Variants in LRRC7 observed in about 807,000 individuals in gnomAD.
The protein encoded by LRRC7 is leucine rich repeat containing 7, also known as leucine-rich repeat-containing protein 7.
LRRC7 carries 23 observed loss-of-function variants against 175.7 expected under a neutral mutation model. That is an observed-to-expected ratio of 0.13 (90% CI 0.09 to 0.19). The LOEUF is 0.19. Ranked by LOEUF, LRRC7 falls within the 10% of genes least tolerant of loss-of-function variation. The pLI is 1.00. For missense variants in LRRC7, 1,354 were observed against 1,904.7 expected (o/e 0.71, Z 5.38); for synonymous variants, 685 against 680.9 (o/e 1.01, Z -0.09).
At chr1:69,694,791 C>G (rs1369848934) in intron 2 of LRRC7, among the ~76,000 whole-genome samples, 2 of 152,064 alleles carry the variant, frequency 1.3e-5, no homozygotes, top group Non-Finnish European at 2.9e-5. Flanking sequence ...CCAGTTCACC[C>G]TTTGACTTCC....
intron 7 of LRRC7, among the ~76,000 whole-genome samples, chr1:69,843,316 T>C (rs1308637734): frequency 6.6e-6 from 1 of 152,120 alleles, no homozygotes; most frequent in Non-Finnish European, 1.5e-5. Context: ...ATTTCTAGTA[T>C]GTTCATTGAA....
chr1:69,892,862 C>A (rs1376674294), intron 7 of LRRC7, among the ~76,000 whole-genome samples: 2 of 152,154 alleles, frequency 1.3e-5, no homozygotes, highest in Non-Finnish European at 2.9e-5. Flanking sequence ...CATCTTGTAT[C>A]AACTTGACTG....
intron 2 of LRRC7, among the ~76,000 whole-genome samples, chr1:69,752,222 C>G (rs146149175): frequency 1.3e-5 from 2 of 152,036 alleles, no homozygotes; most frequent in Non-Finnish European, 2.9e-5. Context: ...AGACATGGAA[C>G]GAGTCTGGCA....
At position 69,832,714 on chromosome 1, in the gene LRRC7, T is replaced by C. The variant is rs536832960; in HGVS notation, c.501-2066T>C. Reference sequence around the variant, plus strand: ...ATTCCCTATGACCAATGATGTCACTTCTAAGGATATAACTTAAGTAATATT... The same window carrying C: ...ATTCCCTATGACCAATGATGTCACTCCTAAGGATATAACTTAAGTAATATT... On this transcript the variant is annotated intron_variant, in intron 5 of 26. Coordinates refer to ENST00000651989, the MANE Select transcript of LRRC7 (RefSeq NM_001370785.2). 4.6e-5 allele frequency among the ~76,000 whole-genome samples: 7 copies of C among 152,268 alleles called. No individual in the cohort carries two copies. In the East Asian group the frequency reaches 1.4e-3, roughly 29 times the overall value.
At chr1:69,869,906 A>G (rs1265574454) in intron 7 of LRRC7, among the ~76,000 whole-genome samples, 1 of 152,144 alleles carries the variant, frequency 6.6e-6, no homozygotes, top group Non-Finnish European at 1.5e-5. Context: ...TGTGTATGAT[A>G]TTTCATTTTG....
At chr1:69,948,760 A>G (rs1380904040) in intron 8 of LRRC7, among the ~76,000 whole-genome samples, 1 of 152,138 alleles carries the variant, frequency 6.6e-6, no homozygotes, top group African/African-American at 2.4e-5. Flanking sequence ...AGCCATTGAT[A>G]TAGGATTCTT....
intron 7 of LRRC7, among the ~76,000 whole-genome samples, chr1:69,909,313 T>A (rs1646438256): frequency 6.6e-6 from 1 of 152,216 alleles, no homozygotes; most frequent in Admixed American, 6.5e-5. Context: ...CCTGTCATTA[T>A]GATGTTAGCT....
chr1:69,667,389 G>A (rs989296756), intron 1 of LRRC7, among the ~76,000 whole-genome samples: 1 of 152,118 alleles, frequency 6.6e-6, no homozygotes, highest in African/African-American at 2.4e-5. Flanking sequence ...TCTGTCTAAT[G>A]CTGACAGTGG....
rs1685659820 is a variant in LRRC7, at chr1:69,872,555, G to T, written c.647+34272G>T. Among the ~76,000 whole-genome samples the T allele has an allele frequency of 2.6e-5, 4 of 152,076 alleles. No individual in the cohort carries two copies. In the South Asian group the frequency reaches 8.3e-4, roughly 32 times the overall value. ...CCATACTTTATTAATTTGAGCTATT[G>T]CTGTATCTAGAGATGATAAATATTT... On this transcript the variant is annotated intron_variant, in intron 7 of 26. Transcript: ENST00000651989.
rs1055205995 is a variant in LRRC7 at position 70,124,056 on chromosome 1, C to G, written c.*2169C>G. On this transcript the variant is annotated 3_prime_UTR_variant, in exon 27 of 27. Coordinates refer to ENST00000651989, the MANE Select transcript of LRRC7 (RefSeq NM_001370785.2). ...AATCCTAGTAAACACCTCTGCCACT[C>G]CTGATGTGACAACATTGTCCTGAGC... Among the ~76,000 whole-genome samples, 1 of 152,178 alleles carries G rather than the reference C, an allele frequency of 6.6e-6. No individual in the cohort carries two copies. Among genetic ancestry groups the G allele is most frequent in the African/African-American group, 2.4e-5 (1 of 41,450 alleles).
In LRRC7 at chr1:69,656,937, T is replaced by C. The variant is rs771511807; in HGVS notation, c.3-21444T>C. 4.0e-5 allele frequency among the ~76,000 whole-genome samples: 6 copies of C among 151,136 alleles called. No individual in the cohort carries two copies. The South Asian group carries it at 6.3e-4, about 16-fold the overall frequency. The stretch of plus-strand genomic sequence containing the variant: ...ACTACCATAATCCCTTATTACATTA[T>C]AATTATTTAAAAGGAAAAGAGAGAG... On this transcript the variant is annotated intron_variant, in intron 1 of 26. Transcript: ENST00000651989.
chr1:69,931,890 A>G (rs1647421016), intron 8 of LRRC7, among the ~76,000 whole-genome samples: 3 of 152,224 alleles, frequency 2.0e-5, no homozygotes, highest in South Asian at 4.1e-4. Flanking sequence ...TCACTGTCAT[A>G]CATAGCTATT....
At chr1:69,661,824 A>AT (rs1657518723) in intron 1 of LRRC7, among the ~76,000 whole-genome samples, 1 of 152,150 alleles carries the variant, frequency 6.6e-6, no homozygotes. Context: ...AAAGAATGAC[A>AT]TTTTTTTCAT....
chr1:69,609,478 A>T (rs1331947143), intron 1 of LRRC7, among the ~76,000 whole-genome samples: 1 of 152,032 alleles, frequency 6.6e-6, no homozygotes, highest in African/African-American at 2.4e-5. Flanking sequence ...AAAGAAAAAA[A>T]TAAAAATGAC....
At chr1:69,913,659 C>A (rs1170782003) in intron 7 of LRRC7, among the ~76,000 whole-genome samples, 1 of 151,936 alleles carries the variant, frequency 6.6e-6, no homozygotes, top group African/African-American at 2.4e-5. Flanking sequence ...TTACAGGCAC[C>A]CATGACCACG....
chr1:69,858,081 C>G (rs932513337), intron 7 of LRRC7, among the ~76,000 whole-genome samples: 1 of 152,140 alleles, frequency 6.6e-6, no homozygotes, highest in African/African-American at 2.4e-5. Context: ...AAACTGGATC[C>G]CTTCCTTACA....
intron 4 of LRRC7, among the ~76,000 whole-genome samples, chr1:69,822,297 C>G (rs144816446): frequency 6.6e-6 from 1 of 152,104 alleles, no homozygotes; most frequent in African/African-American, 2.4e-5. Context: ...GGCCAGACAA[C>G]GGCAAGTGCT....
In LRRC7 at chr1:69,885,372, C is replaced by A. The variant is rs1052683721; in HGVS notation, c.648-46135C>A. 6.1e-5 allele frequency among the ~76,000 whole-genome samples: 9 copies of A among 146,514 alleles called. 1 individual carries two copies. The highest frequency in any genetic ancestry group is 2.4e-4 in the African/African-American group (9 of 38,284). On this transcript the variant is annotated intron_variant, in intron 7 of 26. Transcript: ENST00000651989. ...GAGTGTATGTTTCGAGGAATTTATC[C>A]ATTTCTTCTAGATTTTCTAGTTTAT...
chr1:69,919,983 C>A, intron 7 of LRRC7: 3 of 520,814 alleles, frequency 5.8e-6, no homozygotes, highest in Non-Finnish European at 3.4e-6. Flanking sequence ...GGGGGCCCTT[C>A]CAGACTGGGG....
Sources: gnomAD v4.1 joint callset for allele counts (sites outside exome capture counted in the v4.1 genomes callset) on GRCh38, gnomAD v4.1.1 for gene constraint, MANE v1.5 for transcripts, NCBI Gene and HGNC (gene_info 2026-07-23, HGNC 2026-07-21) for gene names.